The following LUZP2 variants were observed in gnomAD, a reference collection of about 807,000 sequenced individuals.
The protein encoded by LUZP2 is leucine zipper protein 2.
LUZP2 carries 52 observed loss-of-function variants against 51.6 expected under a neutral mutation model. That is an observed-to-expected ratio of 1.01 (90% CI 0.81 to 1.27). LUZP2 has a LOEUF of 1.27. Among genes scored for constraint, LUZP2 ranks in the 50% most tolerant of loss-of-function variants. The pLI is 0.00. For synonymous variants in LUZP2, 154 were observed against 137.3 expected, an observed-to-expected ratio of 1.12 and a Z score of -0.85; for missense variants, 436 against 395.4, an observed-to-expected ratio of 1.10 and a Z score of -0.87.
At chr11:25,078,096 A>G (rs996792725) in intron 11 of LUZP2, among the ~76,000 whole-genome samples, 1 of 152,200 alleles carries the variant, frequency 6.6e-6, no homozygotes, top group African/African-American at 2.4e-5. Flanking sequence ...GAAGCAGAGG[A>G]GGTGAAAAGA....
At chr11:24,983,963 A>T (rs192133608) in intron 9 of LUZP2, among the ~76,000 whole-genome samples, 36 of 151,828 alleles carry the variant, frequency 2.4e-4, no homozygotes, top group African/African-American at 8.7e-4. Flanking sequence ...AAAACAAAGA[A>T]CATTTAATGG....
chr11:24,594,366 T>C lies in LUZP2; in HGVS notation c.62+97061T>C, dbSNP rs145876431. ...AGAAACTCAGGCAGTGTACTATCTATGCATCTACAACTACAGGAATCAATA... is the reference window on the plus strand; with the variant it reads ...AGAAACTCAGGCAGTGTACTATCTACGCATCTACAACTACAGGAATCAATA... On this transcript the variant is annotated intron_variant, in intron 1 of 11. Coordinates refer to ENST00000336930, the MANE Select transcript of LUZP2 (RefSeq NM_001009909.4). Among the ~76,000 whole-genome samples the C allele has an allele frequency of 8.7e-4, 133 of 152,302 alleles. 3 individuals carry two copies. In the East Asian group the frequency reaches 0.024, roughly 28 times the overall value.
At chr11:24,621,481 T>C (rs1374010895) in intron 1 of LUZP2, among the ~76,000 whole-genome samples, 2 of 152,198 alleles carry the variant, frequency 1.3e-5, no homozygotes, top group Admixed American at 6.5e-5. Context: ...GTTCTTTCCA[T>C]TGAAGAGCTC....
intron 1 of LUZP2, among the ~76,000 whole-genome samples, chr11:24,625,323 G>A (rs1265074726): frequency 7.0e-6 from 1 of 143,610 alleles, no homozygotes; most frequent in Non-Finnish European, 1.5e-5. Flanking sequence ...GACAAGAGGA[G>A]AGATTTTATG....
chr11:24,568,969 T>G (rs528458551), intron 1 of LUZP2, among the ~76,000 whole-genome samples: 1 of 152,006 alleles, frequency 6.6e-6, no homozygotes, highest in African/African-American at 2.4e-5. Context: ...GAAAAATAAA[T>G]AAAATCAGAC....
chr11:24,497,573 A>G (rs923986388), intron 1 of LUZP2, among the ~76,000 whole-genome samples: 2 of 152,226 alleles, frequency 1.3e-5, no homozygotes, highest in African/African-American at 4.8e-5. Context: ...AAGACATTTT[A>G]CCCTCCGGTC....
At chr11:24,862,197 C>T (rs545730126) in intron 5 of LUZP2, among the ~76,000 whole-genome samples, 1 of 152,276 alleles carries the variant, frequency 6.6e-6, no homozygotes. Flanking sequence ...AACAGCAGAC[C>T]TTTCAGCAGA....
chr11:24,999,109 T>C (rs959221144), intron 9 of LUZP2, among the ~76,000 whole-genome samples: 45 of 152,290 alleles, frequency 3.0e-4, no homozygotes, highest in African/African-American at 1.1e-3. Flanking sequence ...ATGTTCAAAA[T>C]TTCAATGTTA....
chr11:24,647,152 C>T (rs1289528820), intron 1 of LUZP2, among the ~76,000 whole-genome samples: 4 of 151,924 alleles, frequency 2.6e-5, no homozygotes, highest in Non-Finnish European at 4.4e-5. Flanking sequence ...CAAGCTTATC[C>T]TCATCACATG....
chr11:24,565,825 A>G (rs1852196193), intron 1 of LUZP2, among the ~76,000 whole-genome samples: 1 of 152,174 alleles, frequency 6.6e-6, no homozygotes, highest in Non-Finnish European at 1.5e-5. Flanking sequence ...AAAAGCAACA[A>G]TCTAATATTA....
intron 1 of LUZP2, among the ~76,000 whole-genome samples, chr11:24,540,848 C>A (rs1851335219): frequency 6.6e-6 from 1 of 151,944 alleles, no homozygotes; most frequent in Non-Finnish European, 1.5e-5. Context: ...TTAATAGAAT[C>A]ATATCCCTAA....
intron 1 of LUZP2, among the ~76,000 whole-genome samples, chr11:24,723,123 C>A (rs1230957759): frequency 6.6e-6 from 1 of 152,058 alleles, no homozygotes; most frequent in Non-Finnish European, 1.5e-5. Flanking sequence ...CCTTTAGTAA[C>A]ATCCTCCCTT....
intron 5 of LUZP2, among the ~76,000 whole-genome samples, chr11:24,766,773 T>C (rs1266743122): frequency 6.6e-6 from 1 of 152,212 alleles, no homozygotes; most frequent in African/African-American, 2.4e-5. Flanking sequence ...ATTAGTTTCT[T>C]TACTGTTTTT....
At chr11:24,963,115 T>C (rs10767284) in intron 7 of LUZP2, among the ~76,000 whole-genome samples, 151,202 of 152,238 alleles carry the variant, frequency 0.99, 75,104 homozygotes, top group Middle Eastern at 1. Flanking sequence ...CTGATCATTC[T>C]TCTGGAAGTT....
At chr11:24,810,450 T>G (rs1473948348) in intron 5 of LUZP2, among the ~76,000 whole-genome samples, 2 of 152,160 alleles carry the variant, frequency 1.3e-5, no homozygotes, top group Non-Finnish European at 2.9e-5. Context: ...TGGAGGGTAT[T>G]CCACATAACC....
chr11:24,785,585 T>C (rs1340756085), intron 5 of LUZP2, among the ~76,000 whole-genome samples: 1 of 151,940 alleles, frequency 6.6e-6, no homozygotes, highest in African/African-American at 2.4e-5. Flanking sequence ...AGTATGACAT[T>C]TCATTAGGAA....
At chr11:24,648,032 C>T (rs1484663248) in intron 1 of LUZP2, among the ~76,000 whole-genome samples, 1 of 151,896 alleles carries the variant, frequency 6.6e-6, no homozygotes, top group African/African-American at 2.4e-5. Flanking sequence ...ACCTGCTGTG[C>T]TAGCCCTGTT....
At chr11:24,806,258 A>G (rs1027183449) in intron 5 of LUZP2, among the ~76,000 whole-genome samples, 3 of 152,168 alleles carry the variant, frequency 2.0e-5, no homozygotes, top group Non-Finnish European at 4.4e-5. Context: ...GTAAATGTTA[A>G]TTGTTAAATA....
At chr11:24,846,874 TACATATATAAAC>T (rs1313381349) in intron 5 of LUZP2, among the ~76,000 whole-genome samples, 13 of 151,874 alleles carry the variant, frequency 8.6e-5, no homozygotes, top group Non-Finnish European at 1.3e-4. Context: ...TCTCCATATA[TACATATATAAAC>T]ACATATATAT....
Sources: gnomAD v4.1 joint callset for allele counts (sites outside exome capture counted in the v4.1 genomes callset) on GRCh38, gnomAD v4.1.1 for gene constraint, MANE v1.5 for transcripts, NCBI Gene and HGNC (gene_info 2026-07-23, HGNC 2026-07-21) for gene names.